Variants in ANAPC1 observed in about 807,000 individuals in gnomAD.
The protein encoded by ANAPC1 is anaphase-promoting complex subunit 1.
Under a neutral mutation model 208.0 loss-of-function variants are expected in ANAPC1, and 36 were observed. The ratio of observed to expected loss-of-function variants is 0.17; its 90% CI spans 0.13 to 0.23. ANAPC1 has a LOEUF of 0.23. ANAPC1 is among the 10% of genes least tolerant of loss of function. The probability of loss-of-function intolerance (pLI) is 1.00; values close to 1 mark genes in which losing one functional copy is unlikely to be tolerated. For synonymous variants in ANAPC1, 378 were observed against 695.2 expected, an observed-to-expected ratio of 0.54 and a Z score of 7.18; for missense variants, 942 against 2,011.6, an observed-to-expected ratio of 0.47 and a Z score of 10.17.
chr2:111,876,355 T>C (rs1683027561), intron 3 of ANAPC1, among the ~76,000 whole-genome samples: 1 of 151,888 alleles, frequency 6.6e-6, no homozygotes, highest in Non-Finnish European at 1.5e-5. Flanking sequence ...ATAAACAAAA[T>C]AGAAAATTAT....
At chr2:111,850,009 T>C (rs1681301874) in intron 14 of ANAPC1, among the ~76,000 whole-genome samples, 1 of 152,060 alleles carries the variant, frequency 6.6e-6, no homozygotes, top group East Asian at 1.9e-4. Context: ...TTCTATCTCA[T>C]TTGTAAAAAA....
intron 46 of ANAPC1, among the ~76,000 whole-genome samples, chr2:111,774,960 T>TA (rs1342412273): frequency 4.6e-5 from 7 of 151,962 alleles, no homozygotes; most frequent in Admixed American, 3.9e-4. Flanking sequence ...TTTGAGGAGA[T>TA]AAATACTGTA....
intron 2 of ANAPC1, 166 bp downstream of exon 2, chr2:111,880,447 A>C: frequency 8.3e-7 from 1 of 1,200,694 alleles, no homozygotes; most frequent in African/African-American, 1.5e-5. Flanking sequence ...TCGCTATGAC[A>C]ATGTAATAAA....
At chr2:111,865,643 T>C (rs72823454) in intron 7 of ANAPC1, among the ~76,000 whole-genome samples, 5 of 152,202 alleles carry the variant, frequency 3.3e-5, no homozygotes, top group African/African-American at 1.2e-4. Context: ...TTCATACATA[T>C]ATACACACTT....
At chr2:111,826,163 T>C (rs1045335025) in intron 21 of ANAPC1, among the ~76,000 whole-genome samples, 4 of 152,172 alleles carry the variant, frequency 2.6e-5, no homozygotes, top group East Asian at 1.9e-4. Flanking sequence ...GCTGGGATTA[T>C]AGGTATGAGC....
At chr2:111,815,114 C>A in intron 28 of ANAPC1, among the ~76,000 whole-genome samples, 1 of 139,346 alleles carries the variant, frequency 7.2e-6, no homozygotes, top group South Asian at 2.3e-4. Context: ...GCTTTCTTGT[C>A]ACTCATTAAA....
intron 39 of ANAPC1, among the ~76,000 whole-genome samples, chr2:111,787,129 A>T (rs1677599019): frequency 6.8e-6 from 1 of 146,610 alleles, no homozygotes; most frequent in African/African-American, 2.5e-5. Context: ...AGCCTGGGCG[A>T]CAGAGCGAGA....
intron 17 of ANAPC1, among the ~76,000 whole-genome samples, chr2:111,842,436 G>C (rs1680814293): frequency 6.6e-6 from 1 of 152,092 alleles, no homozygotes; most frequent in East Asian, 1.9e-4. Context: ...GAGGTCAGGA[G>C]ATCAAGACCA....
Position 111,780,915 on chromosome 2 carries a change from T to C in ANAPC1, c.5203-530A>G, listed in dbSNP as rs943140414. ...CTGCAAGATGAAACAGTTCTAGAGA[T>C]GGATGGTGGTGATGGTTGTGCGTTA... On this transcript the variant is annotated intron_variant, in intron 43 of 47. Transcript: ENST00000341068. 1.1e-4 allele frequency among the ~76,000 whole-genome samples: 16 copies of C among 142,318 alleles called. 1 individual carries two copies. The highest frequency in any genetic ancestry group is 4.6e-4 in the African/African-American group (16 of 34,562). The allele number at this position is 142,318 out of a possible 152,430, so 93.4% of individuals were successfully genotyped here. A position where few individuals can be genotyped will look rare whatever the true frequency, so the allele number is the denominator to read the frequency against.
chr2:111,812,597 T>C (rs1259888679), intron 28 of ANAPC1, among the ~76,000 whole-genome samples: 1 of 147,086 alleles, frequency 6.8e-6, no homozygotes, highest in Non-Finnish European at 1.5e-5. Context: ...AGGCTTTAAT[T>C]AAACACCCAT....
chr2:111,832,531 T>C (rs1468855947), intron 20 of ANAPC1, among the ~76,000 whole-genome samples: 4 of 152,212 alleles, frequency 2.6e-5, no homozygotes, highest in Admixed American at 2.6e-4. Context: ...GGCTACTGAG[T>C]TCTCAAAATG....
chr2:111,880,651 C>G lies in ANAPC1; in HGVS notation c.175G>C (p.Gly59Arg), dbSNP rs751548055. ...TGGATTGTAACCTCCTGAAGGGATC[C>G]CACCAAGCCAGCAGCACCATCAGAA... Reference protein sequence around the residue: ...WSSDGAAGLVGSLQEVTIHEK... With the variant: ...WSSDGAAGLVRSLQEVTIHEK... The change falls in exon 2 of 48, where the codon GGA (glycine) becomes CGA (arginine). Residue 59 changes from glycine (G) to arginine (R), a missense_variant. Coordinates refer to ENST00000341068, the MANE Select transcript of ANAPC1 (RefSeq NM_022662.4). 1.2e-6 allele frequency: 2 copies of G among 1,612,824 alleles called. No homozygotes were observed. The highest frequency in any genetic ancestry group is 1.7e-6 in the Non-Finnish European group (2 of 1,179,828).
chr2:111,867,120 G>A (rs1318939821), intron 7 of ANAPC1, among the ~76,000 whole-genome samples: 3 of 150,782 alleles, frequency 2.0e-5, no homozygotes, highest in Admixed American at 2.0e-4. Flanking sequence ...GTGAAACTAC[G>A]TCTCTACTAA....
At chr2:111,821,670 C>A (rs1679541488) in intron 25 of ANAPC1, 1 of 483,436 alleles carries the variant, frequency 2.1e-6, no homozygotes, top group South Asian at 2.0e-5. Flanking sequence ...TGGTGGCTCA[C>A]ACTCTGTAAT....
At chr2:111,782,079 A>G (rs1677312098) in intron 43 of ANAPC1, among the ~76,000 whole-genome samples, 2 of 151,986 alleles carry the variant, frequency 1.3e-5, no homozygotes, top group East Asian at 1.9e-4. Context: ...TAAAATCACT[A>G]TTTGTTACAG....
intron 17 of ANAPC1, among the ~76,000 whole-genome samples, chr2:111,840,798 T>G (rs1680720435): frequency 6.6e-6 from 1 of 152,216 alleles, no homozygotes; most frequent in African/African-American, 2.4e-5. Context: ...ATCCTAGCAC[T>G]TTGGGAGGCC....
intron 13 of ANAPC1, among the ~76,000 whole-genome samples, chr2:111,853,292 C>T (rs4297893): frequency 5.9e-5 from 9 of 152,256 alleles, no homozygotes; most frequent in South Asian, 4.1e-4. Flanking sequence ...TAATCTCTTC[C>T]GCTAGTCTCT....
At chr2:111,828,594 A>G (rs1296082743) in intron 21 of ANAPC1, among the ~76,000 whole-genome samples, 1 of 152,236 alleles carries the variant, frequency 6.6e-6, no homozygotes, top group African/African-American at 2.4e-5. Flanking sequence ...ATACAATGGA[A>G]TACTATATAG....
Position 111,831,232 on chromosome 2 carries a change from A to T in ANAPC1, c.2625+54T>A, listed in dbSNP as rs957856191. 4 of 1,540,668 alleles carry T rather than the reference A, an allele frequency of 2.6e-6. No individual in the cohort carries two copies. The African/African-American group carries it at 4.2e-5, about 16-fold the overall frequency. ...AAACTTAATATCAGGTGTACTTTTTAAAACTAAATTTTAAAAGAAAAAGGA... is the reference window on the plus strand; with the variant it reads ...AAACTTAATATCAGGTGTACTTTTTTAAACTAAATTTTAAAAGAAAAAGGA... On this transcript the variant is annotated intron_variant, in intron 21 of 47. Transcript: ENST00000341068.
Sources: allele counts gnomAD v4.1 joint callset (sites outside exome capture counted in the v4.1 genomes callset), GRCh38; gene constraint gnomAD v4.1.1; transcripts MANE v1.5; gene names NCBI Gene and HGNC (gene_info 2026-07-23, HGNC 2026-07-21).